The following CRYBB2 variants were observed in gnomAD, a reference collection of about 807,000 sequenced individuals.
CRYBB2 encodes crystallin beta B2, also known as beta-crystallin B2.
CRYBB2 carries 12 observed loss-of-function variants against 24.3 expected under a neutral mutation model. The ratio of observed to expected loss-of-function variants is 0.49; its 90% CI spans 0.32 to 0.80. CRYBB2 has a LOEUF of 0.80. Among genes scored for constraint, CRYBB2 ranks in the 30% least tolerant of loss-of-function variants. CRYBB2 has a pLI of 0.04. For synonymous variants in CRYBB2, 98 were observed against 101.6 expected (o/e 0.96, Z 0.21); for missense variants, 198 against 268.5 (o/e 0.74, Z 1.83).
upstream of CRYBB2, among the ~76,000 whole-genome samples, chr22:25,218,690 AAGAGAG>A: frequency 1.3e-5 from 1 of 78,642 alleles, no homozygotes; most frequent in East Asian, 4.3e-4. Flanking sequence ...GAAAGAAAGA[AAGAGAG>A]AGAGAGAGGG....
chr22:25,224,872 C>T (rs1186312721), intron 2 of CRYBB2, 46 bp from the exon 3 acceptor site: 1 of 1,065,984 alleles, frequency 9.4e-7, no homozygotes, highest in Admixed American at 1.7e-5. Context: ...CCAGTTCTCA[C>T]TCCTCTTCAT....
chr22:25,219,306 A>G (rs1447153271), upstream of CRYBB2, among the ~76,000 whole-genome samples: 1 of 152,158 alleles, frequency 6.6e-6, no homozygotes, highest in Non-Finnish European at 1.5e-5. Context: ...CCCCAGGCCC[A>G]CTGAGATGTT....
upstream of CRYBB2, among the ~76,000 whole-genome samples, chr22:25,218,760 AG>A (rs1466093549): frequency 7.9e-4 from 35 of 44,580 alleles, no homozygotes; most frequent in East Asian, 1.9e-3. Context: ...AGAGAGAGAG[AG>A]AGAGAGAGAG....
Position 25,221,396 on chromosome 22 carries a change from T to A in CRYBB2, c.-26-8T>A, listed in dbSNP as rs556959928. 2.5e-6 allele frequency: 4 copies of A among 1,600,166 alleles called. No individual in the cohort carries two copies. In the African/African-American group the frequency reaches 5.4e-5, roughly 21 times the overall value. ...CAGGTCCTCACTGCTGCTTCCCATGTCTTCCAGGTCATTCCTGCACAGGAC... is the reference window on the plus strand; with the variant it reads ...CAGGTCCTCACTGCTGCTTCCCATGACTTCCAGGTCATTCCTGCACAGGAC... On this transcript the variant is annotated splice_polypyrimidine_tract_variant and splice_region_variant and intron_variant, in intron 1 of 5. Coordinates refer to ENST00000398215, the MANE Select transcript of CRYBB2 (RefSeq NM_000496.3).
intron 1 of CRYBB2, among the ~76,000 whole-genome samples, chr22:25,214,166 C>T (rs992231042): frequency 6.6e-6 from 1 of 152,118 alleles, no homozygotes; most frequent in African/African-American, 2.4e-5. Context: ...CAGTAAGACC[C>T]TATCCCTAAA....
At chr22:25,218,816 A>AAG (rs1267616464), upstream of CRYBB2, among the ~76,000 whole-genome samples, 16 of 135,962 alleles carry the variant, frequency 1.2e-4, 2 homozygotes, top group African/African-American at 4.1e-4. Context: ...GAAAGAAAGA[A>AAG]AGAAAGAAAG....
At chr22:25,220,195 C>A (rs1935295447) in intron 1 of CRYBB2, among the ~76,000 whole-genome samples, 1 of 152,208 alleles carries the variant, frequency 6.6e-6, no homozygotes, top group Admixed American at 6.5e-5. Flanking sequence ...AATAATGCCA[C>A]AATTGCTGCC....
upstream of CRYBB2, among the ~76,000 whole-genome samples, chr22:25,218,840 G>A (rs867286070): frequency 2.9e-4 from 33 of 113,716 alleles, 1 homozygote; most frequent in Non-Finnish European, 4.0e-4. Flanking sequence ...GAAAGAAAGA[G>A]AAAGAAAGAA....
At chr22:25,222,404 A>G (rs1053107669) in intron 2 of CRYBB2, among the ~76,000 whole-genome samples, 5 of 152,242 alleles carry the variant, frequency 3.3e-5, no homozygotes, top group African/African-American at 1.2e-4. Context: ...GTGTTAGCTC[A>G]GGTGGTCCAG....
At chr22:25,221,676 C>G (rs987142570) in intron 2 of CRYBB2, among the ~76,000 whole-genome samples, 193 bp downstream of exon 2, 1 of 152,268 alleles carries the variant, frequency 6.6e-6, no homozygotes, top group Admixed American at 6.5e-5. Context: ...AGCTGGCATG[C>G]TGGGATTCCC....
intron 1 of CRYBB2, among the ~76,000 whole-genome samples, chr22:25,220,856 G>T (rs906158722): frequency 2.6e-5 from 4 of 152,146 alleles, no homozygotes; most frequent in Non-Finnish European, 4.4e-5. Context: ...TTTCACTAAT[G>T]GGGGAGTAAA....
chr22:25,224,820 G>A (rs897274642), intron 2 of CRYBB2, 98 bp from the exon 3 acceptor site: 2 of 788,538 alleles, frequency 2.5e-6, no homozygotes. Flanking sequence ...GAACCCTTCA[G>A]CATCCTTTGG....
rs1935515754 is a variant in CRYBB2, at chr22:25,230,683, C to CTTAT, written c.450-920_450-919insTATT. Among the ~76,000 whole-genome samples, 3 of 140,704 alleles carry CTTAT rather than the reference C, an allele frequency of 2.1e-5. No individual in the cohort carries two copies. The South Asian group carries it at 7.4e-4, about 35-fold the overall frequency. 92.3% of individuals were successfully genotyped at this position (140,704 alleles called of 152,430 possible). ...CTGTGCTCCTATTCCCCTTCATTCC[C>CTTAT]TCATTCATTCATTCATTCATTCAAT... On this transcript the variant is annotated intron_variant, in intron 5 of 5. Transcript: ENST00000398215.
At chr22:25,223,015 T>C (rs372019792) in intron 2 of CRYBB2, among the ~76,000 whole-genome samples, 4 of 152,166 alleles carry the variant, frequency 2.6e-5, no homozygotes, top group African/African-American at 9.7e-5. Context: ...CAGTGCAGGC[T>C]TAAAGGATTG....
upstream of CRYBB2, among the ~76,000 whole-genome samples, chr22:25,217,982 G>A (rs549549607): frequency 4.4e-4 from 67 of 152,228 alleles, no homozygotes; most frequent in African/African-American, 1.5e-3. Flanking sequence ...AGTAAAGGCC[G>A]GGCGCGGTGG....
upstream of CRYBB2, among the ~76,000 whole-genome samples, chr22:25,218,735 GGGAGAGAGAGAGAGAGA>G (rs1569015965): frequency 0.032 from 1,328 of 41,100 alleles, 148 homozygotes; most frequent in East Asian, 0.066. Context: ...AGAGAGAGAG[GGGAGAGAGAGAGAGAGA>G]GAGAGAGAGA....
intron 3 of CRYBB2, among the ~76,000 whole-genome samples, chr22:25,226,202 GTGTGTA>G (rs1935412016): frequency 2.4e-5 from 3 of 127,506 alleles, no homozygotes; most frequent in African/African-American, 2.8e-5. Context: ...GTGTGTGTGT[GTGTGTA>G]TAATCAAATC....
intron 2 of CRYBB2, among the ~76,000 whole-genome samples, chr22:25,224,714 G>A (rs978930915): frequency 6.6e-6 from 1 of 152,112 alleles, no homozygotes; most frequent in African/African-American, 2.4e-5. Flanking sequence ...GGAGACTGAC[G>A]CTCAGAGAGG....
upstream of CRYBB2, among the ~76,000 whole-genome samples, chr22:25,218,127 CG>C (rs1373245942): frequency 1.5e-4 from 22 of 150,882 alleles, no homozygotes; most frequent in East Asian, 1.4e-3. Context: ...GGCGTGTTGG[CG>C]GGCGCCTGTA....
Sources: gnomAD v4.1 joint callset for allele counts (sites outside exome capture counted in the v4.1 genomes callset) on GRCh38, gnomAD v4.1.1 for gene constraint, MANE v1.5 for transcripts, NCBI Gene and HGNC (gene_info 2026-07-23, HGNC 2026-07-21) for gene names.